Variants in SUGCT observed in about 807,000 individuals in gnomAD.
SUGCT encodes the protein succinyl-CoA:glutarate CoA-transferase.
A neutral mutation model predicts 55.0 loss-of-function variants in SUGCT; 41 were observed. That is an observed-to-expected ratio of 0.74 (90% CI 0.58 to 0.97). SUGCT has a LOEUF of 0.97. SUGCT is among the 50% of genes least tolerant of loss of function. The pLI is 0.00. For synonymous variants in SUGCT, 187 were observed against 200.4 expected (o/e 0.93, Z 0.56); for missense variants, 568 against 547.8 (o/e 1.04, Z -0.37).
chr7:40,960,719 C>G, the SUGCT span, among the ~76,000 whole-genome samples: 1 of 152,188 alleles, frequency 6.6e-6, no homozygotes, highest in Admixed American at 6.5e-5. Flanking sequence ...GGTTATCTCA[C>G]AGAAAATGAG....
chr7:40,823,323 C>T (rs1441732376), intron 13 of SUGCT, among the ~76,000 whole-genome samples: 1 of 152,136 alleles, frequency 6.6e-6, no homozygotes, highest in African/African-American at 2.4e-5. Flanking sequence ...TGTCCCCAGA[C>T]TCCTCTCTTA....
At chr7:40,886,784 C>A in the SUGCT span, among the ~76,000 whole-genome samples, 1 of 152,166 alleles carries the variant, frequency 6.6e-6, no homozygotes, top group South Asian at 2.1e-4. Flanking sequence ...CCAGCATATG[C>A]TTTAGGATTA....
At chr7:40,277,932 T>G (rs892519703) in intron 8 of SUGCT, among the ~76,000 whole-genome samples, 2 of 151,970 alleles carry the variant, frequency 1.3e-5, no homozygotes, top group African/African-American at 4.8e-5. Context: ...AGTGAGAACA[T>G]GCGGTGTTTG....
At chr7:40,947,421 A>G in the SUGCT span, among the ~76,000 whole-genome samples, 12,983 of 151,456 alleles carry the variant, frequency 0.086, 616 homozygotes, top group African/African-American at 0.11. Flanking sequence ...GTCTTTTTAT[A>G]GTAAGTCCAG....
chr7:40,254,731 T>G (rs1041461657), intron 7 of SUGCT, among the ~76,000 whole-genome samples: 7 of 151,828 alleles, frequency 4.6e-5, no homozygotes, highest in African/African-American at 7.2e-5. Flanking sequence ...CATGCAATCT[T>G]CTGTAGTTTA....
intron 9 of SUGCT, among the ~76,000 whole-genome samples, chr7:40,429,950 T>C (rs917303021): frequency 2.0e-5 from 3 of 152,200 alleles, no homozygotes; most frequent in African/African-American, 7.2e-5. Context: ...GTCTGACTTA[T>C]TTCACTTAGC....
chr7:40,931,186 G>T, the SUGCT span, among the ~76,000 whole-genome samples: 1 of 152,090 alleles, frequency 6.6e-6, no homozygotes, highest in South Asian at 2.1e-4. Flanking sequence ...TAATCATGTG[G>T]TTATTATCAT....
chr7:40,237,579 CA>C, intron 6 of SUGCT, 55 bp from the exon 7 acceptor site: 1 of 1,278,060 alleles, frequency 7.8e-7, no homozygotes, highest in Non-Finnish European at 1.1e-6. Flanking sequence ...CTATATTGTA[CA>C]GTGGTTTTAG....
At chr7:40,852,480 A>C (rs1793898302) in intron 13 of SUGCT, among the ~76,000 whole-genome samples, 1 of 151,810 alleles carries the variant, frequency 6.6e-6, no homozygotes, top group Non-Finnish European at 1.5e-5. Flanking sequence ...GTAGCTTCCC[A>C]CTGAACCTAG....
intron 1 of SUGCT, among the ~76,000 whole-genome samples, chr7:40,155,986 A>G (rs536894909): frequency 6.6e-6 from 1 of 151,592 alleles, no homozygotes; most frequent in East Asian, 2.0e-4. Context: ...GCTTCTGAGT[A>G]TCTGGGATCA....
At chr7:40,337,016 T>C (rs145806079) in intron 9 of SUGCT, among the ~76,000 whole-genome samples, 2,316 of 152,292 alleles carry the variant, frequency 0.015, 49 homozygotes, top group South Asian at 0.059. Context: ...ACCCAGTAGT[T>C]ATTCAGGAGC....
At chr7:40,201,306 C>T (rs1786590700) in intron 6 of SUGCT, among the ~76,000 whole-genome samples, 1 of 152,046 alleles carries the variant, frequency 6.6e-6, no homozygotes, top group Non-Finnish European at 1.5e-5. Flanking sequence ...TTAAAAATTT[C>T]TAAAGACAGT....
At position 40,558,589 on chromosome 7, in the gene SUGCT, G is replaced by A. The variant is rs77143294; in HGVS notation, c.1089+62203G>A. Among the ~76,000 whole-genome samples, 1,034 of 152,290 alleles carry A rather than the reference G, an allele frequency of 6.8e-3. 17 individuals carry two copies. The highest frequency in any genetic ancestry group is 0.023 in the African/African-American group (961 of 41,554). On this transcript the variant is annotated intron_variant, in intron 12 of 13. Transcript: ENST00000335693. ...CATGGAGATTAGAAATAAACTAGATGTTACCAGGCTTCGGTTGGTGGGGTG... is the reference window on the plus strand; with the variant it reads ...CATGGAGATTAGAAATAAACTAGATATTACCAGGCTTCGGTTGGTGGGGTG...
At chr7:40,633,340 T>C (rs190428874) in intron 12 of SUGCT, among the ~76,000 whole-genome samples, 11 of 152,342 alleles carry the variant, frequency 7.2e-5, no homozygotes, top group African/African-American at 2.6e-4. Flanking sequence ...CTTCATTTTT[T>C]AAGTAAAATA....
chr7:40,639,299 A>C (rs1224229511), intron 12 of SUGCT, among the ~76,000 whole-genome samples: 1 of 152,136 alleles, frequency 6.6e-6, no homozygotes, highest in Non-Finnish European at 1.5e-5. Context: ...CCCAGCAAAA[A>C]AATCAGTTCT....
At chr7:40,916,102 C>T in the SUGCT span, among the ~76,000 whole-genome samples, 2 of 134,950 alleles carry the variant, frequency 1.5e-5, no homozygotes, top group Non-Finnish European at 3.2e-5. Flanking sequence ...CACACACACA[C>T]ACAGATATAC....
At chr7:40,628,737 G>A (rs1051052785) in intron 12 of SUGCT, among the ~76,000 whole-genome samples, 7 of 151,302 alleles carry the variant, frequency 4.6e-5, no homozygotes, top group African/African-American at 1.7e-4. Flanking sequence ...CTGTGTGTGT[G>A]TGTGTGTGTG....
the SUGCT span, among the ~76,000 whole-genome samples, chr7:40,971,060 T>C: frequency 6.6e-6 from 1 of 151,762 alleles, no homozygotes; most frequent in Non-Finnish European, 1.5e-5. Flanking sequence ...AAAACAGAGG[T>C]TTAATTGGCT....
chr7:40,562,028 A>C (rs917858561), intron 12 of SUGCT, among the ~76,000 whole-genome samples: 1 of 148,856 alleles, frequency 6.7e-6, no homozygotes, highest in East Asian at 2.2e-4. Context: ...GGCCAGGCGC[A>C]GTGGCTCATG....
Sources: gnomAD v4.1 joint callset for allele counts (sites outside exome capture counted in the v4.1 genomes callset) on GRCh38, gnomAD v4.1.1 for gene constraint, MANE v1.5 for transcripts, NCBI Gene and HGNC (gene_info 2026-07-23, HGNC 2026-07-21) for gene names.